GRIK2: variants seen among roughly 807,000 people sequenced by gnomAD.
GRIK2 encodes glutamate ionotropic receptor kainate type subunit 2.
A neutral mutation model predicts 100.3 loss-of-function variants in GRIK2; 32 were observed. The ratio of observed to expected loss-of-function variants is 0.32; its 90% confidence interval spans 0.24 to 0.43. GRIK2 has a LOEUF of 0.43. GRIK2 is among the 20% of genes least tolerant of loss of function. The probability of loss-of-function intolerance (pLI) is 1.00; values close to 1 mark genes in which losing one functional copy is unlikely to be tolerated. For missense variants in GRIK2, 843 were observed against 1,114.9 expected, an observed-to-expected ratio of 0.76 and a Z score of 3.47; for synonymous variants, 417 against 389.4, an observed-to-expected ratio of 1.07 and a Z score of -0.83.
chr6:101,639,970 A>G (rs1781210045), intron 4 of GRIK2, among the ~76,000 whole-genome samples: 1 of 152,220 alleles, frequency 6.6e-6, no homozygotes, highest in Non-Finnish European at 1.5e-5. Context: ...TAATGAAAAT[A>G]CAAAGCCTAA....
At chr6:101,451,457 C>A (rs1305411852) in intron 2 of GRIK2, among the ~76,000 whole-genome samples, 1 of 151,446 alleles carries the variant, frequency 6.6e-6, no homozygotes, top group Non-Finnish European at 1.5e-5. Context: ...TTATATTAGG[C>A]AGTCAATAAA....
At chr6:101,948,989 T>A (rs946115023) in intron 14 of GRIK2, among the ~76,000 whole-genome samples, 1 of 152,196 alleles carries the variant, frequency 6.6e-6, no homozygotes, top group Non-Finnish European at 1.5e-5. Context: ...CTGTTTAAAT[T>A]TGTGTTCTGA....
intron 2 of GRIK2, among the ~76,000 whole-genome samples, chr6:101,515,740 T>C (rs185236729): frequency 6.6e-6 from 1 of 152,306 alleles, no homozygotes; most frequent in East Asian, 1.9e-4. Context: ...ATTCATATCC[T>C]TAACCCACTT....
chr6:102,042,777 G>T (rs887605677), intron 15 of GRIK2, among the ~76,000 whole-genome samples: 18 of 151,604 alleles, frequency 1.2e-4, no homozygotes, highest in African/African-American at 4.3e-4. Context: ...TCATAAGAAA[G>T]GTAGGGTTTA....
At chr6:101,686,128 C>A in intron 6 of GRIK2, 52 bp from the exon 7 acceptor site, 3 of 1,455,262 alleles carry the variant, frequency 2.1e-6, no homozygotes, top group Non-Finnish European at 1.9e-6. Flanking sequence ...GTAATACATG[C>A]CTGTGAAGAT....
intron 10 of GRIK2, among the ~76,000 whole-genome samples, chr6:101,843,194 C>T (rs1444121678): frequency 6.6e-6 from 1 of 152,080 alleles, no homozygotes; most frequent in Non-Finnish European, 1.5e-5. Flanking sequence ...TGCTTTAAAA[C>T]AATTTTAGGA....
At chr6:101,926,579 C>G (rs1327755598) in intron 13 of GRIK2, among the ~76,000 whole-genome samples, 3 of 152,110 alleles carry the variant, frequency 2.0e-5, no homozygotes, top group Non-Finnish European at 4.4e-5. Context: ...AGGTAAAACT[C>G]TATGTTATTA....
chr6:101,904,329 A>G (rs1788077568), intron 12 of GRIK2, among the ~76,000 whole-genome samples: 1 of 151,540 alleles, frequency 6.6e-6, no homozygotes, highest in African/African-American at 2.4e-5. Flanking sequence ...GTGATAGTTT[A>G]TGACTTCATA....
At chr6:102,006,179 C>CATT (rs1285416205) in intron 14 of GRIK2, among the ~76,000 whole-genome samples, 1 of 146,956 alleles carries the variant, frequency 6.8e-6, no homozygotes, top group Non-Finnish European at 1.5e-5. Flanking sequence ...TTTTTCATAA[C>CATT]ATTAGTGCAG....
intron 7 of GRIK2, among the ~76,000 whole-genome samples, chr6:101,741,688 T>C (rs1328576601): frequency 6.6e-6 from 1 of 152,210 alleles, no homozygotes; most frequent in Admixed American, 6.5e-5. Context: ...ATGGGAGCTA[T>C]ATTTTCAGGA....
chr6:101,841,579 G>C (rs1344034733), intron 10 of GRIK2, among the ~76,000 whole-genome samples: 3 of 152,034 alleles, frequency 2.0e-5, no homozygotes, highest in African/African-American at 7.2e-5. Context: ...GGCCAGGCTG[G>C]TCTCGAACTC....
At chr6:101,687,202 C>T (rs1480808281) in intron 7 of GRIK2, among the ~76,000 whole-genome samples, 1 of 151,942 alleles carries the variant, frequency 6.6e-6, no homozygotes, top group Non-Finnish European at 1.5e-5. Flanking sequence ...GTCATATTTA[C>T]TCTGTAGTAG....
intron 11 of GRIK2, among the ~76,000 whole-genome samples, chr6:101,887,863 A>G (rs1463865797): frequency 6.6e-6 from 1 of 152,142 alleles, no homozygotes; most frequent in Non-Finnish European, 1.5e-5. Flanking sequence ...CCTCCCGCCA[A>G]GCCCGACCTT....
At chr6:102,026,111 CATATATATATATATATATATATAT>C (rs6149730) in intron 14 of GRIK2, among the ~76,000 whole-genome samples, 37,424 of 100,712 alleles carry the variant, frequency 0.37, 6,135 homozygotes, top group Middle Eastern at 0.47. Context: ...TATACACTTA[CATATATATATATATATATATATAT>C]ATATATATAT....
chr6:101,681,455 C>G (rs533495761), intron 5 of GRIK2, among the ~76,000 whole-genome samples: 1 of 143,186 alleles, frequency 7.0e-6, no homozygotes, highest in Non-Finnish European at 1.5e-5. Flanking sequence ...GTTACCAAGG[C>G]TGGTCTTGGG....
At chr6:101,874,213 A>G (rs144372962) in intron 11 of GRIK2, among the ~76,000 whole-genome samples, 63,761 of 151,630 alleles carry the variant, frequency 0.42, 15,055 homozygotes, top group Middle Eastern at 0.64. Context: ...TTTCTTCTAG[A>G]GTTTTTATGG....
chr6:101,859,581 G>A, intron 11 of GRIK2, 88 bp downstream of exon 11: 1 of 736,134 alleles, frequency 1.4e-6, no homozygotes. Context: ...ACTACAAAGA[G>A]TAGTGATATA....
chr6:101,829,353 C>G (rs562565703), intron 10 of GRIK2, among the ~76,000 whole-genome samples: 1 of 152,094 alleles, frequency 6.6e-6, no homozygotes, highest in African/African-American at 2.4e-5. Flanking sequence ...GATATCCACT[C>G]TCACCAGTTC....
chr6:101,700,570 A>G (rs1417375454), intron 7 of GRIK2, among the ~76,000 whole-genome samples: 2 of 152,114 alleles, frequency 1.3e-5, no homozygotes, highest in South Asian at 2.1e-4. Context: ...CACTAACTCT[A>G]AGTCTCACAA....
Sources: gnomAD v4.1 joint callset for allele counts (sites outside exome capture counted in the v4.1 genomes callset) on GRCh38, gnomAD v4.1.1 for gene constraint, MANE v1.5 for transcripts, NCBI Gene and HGNC (gene_info 2026-07-23, HGNC 2026-07-21) for gene names.